TMEM230: variants seen among roughly 807,000 people sequenced by gnomAD.
TMEM230 encodes the protein UPF0414 transmembrane protein C20orf30.
In TMEM230, 10 loss-of-function variants were observed where a neutral mutation model predicts 15.8. The observed-to-expected ratio is 0.63, with a 90% CI of 0.39 to 1.07. The LOEUF (loss-of-function observed/expected upper bound fraction) is 1.07, where lower values mean the gene tolerates loss of function less well. Ranked by LOEUF, TMEM230 falls within the 50% of genes least tolerant of loss-of-function variation. The pLI is 0.01. For missense variants in TMEM230, 165 were observed against 193.3 expected, an observed-to-expected ratio of 0.85 and a Z score of 0.87; for synonymous variants, 67 against 76.9, an observed-to-expected ratio of 0.87 and a Z score of 0.68.
chr20:5,066,747 C>T (rs533790647), downstream of TMEM230, among the ~76,000 whole-genome samples: 3 of 151,732 alleles, frequency 2.0e-5, no homozygotes, highest in African/African-American at 4.8e-5. Context: ...CTGTGATTAA[C>T]GAGGTCACAC....
At chr20:5,090,240 T>G (rs930877280) in intron 3 of TMEM230, among the ~76,000 whole-genome samples, 1 of 152,038 alleles carries the variant, frequency 6.6e-6, no homozygotes, top group African/African-American at 2.4e-5. Context: ...CTAAAGGACA[T>G]GAGTTTCCAG....
At chr20:5,085,297 C>CT (rs1270064249) in intron 3 of TMEM230, among the ~76,000 whole-genome samples, 1 of 145,838 alleles carries the variant, frequency 6.9e-6, no homozygotes, top group East Asian at 2.0e-4. Flanking sequence ...TTCTTTTTTT[C>CT]TTTTTTTTTG....
the TMEM230 span, among the ~76,000 whole-genome samples, chr20:5,062,090 C>T: frequency 2.0e-5 from 3 of 151,946 alleles, no homozygotes; most frequent in African/African-American, 4.8e-5. Context: ...GGCATGATGG[C>T]GGGTGCCTGT....
At chr20:5,098,041 G>A (rs1451235551), downstream of TMEM230, among the ~76,000 whole-genome samples, 1 of 140,144 alleles carries the variant, frequency 7.1e-6, no homozygotes, top group African/African-American at 2.7e-5. Flanking sequence ...GCAGTGGTGC[G>A]ATCTTGGCTC....
At chr20:5,098,227 G>C (rs1201475090), downstream of TMEM230, among the ~76,000 whole-genome samples, 1 of 151,942 alleles carries the variant, frequency 6.6e-6, no homozygotes, top group Non-Finnish European at 1.5e-5. Context: ...CGCCCGCCTC[G>C]GGCTCCCAAA....
chr20:5,095,486 T>A, downstream of TMEM230, among the ~76,000 whole-genome samples: 1 of 152,208 alleles, frequency 6.6e-6, no homozygotes, highest in Non-Finnish European at 1.5e-5. Flanking sequence ...TCTTCCTGCA[T>A]TGTTTCTCTG....
intron 1 of TMEM230, chr20:5,111,725 A>G: frequency 9.5e-6 from 9 of 943,464 alleles, no homozygotes; most frequent in Non-Finnish European, 1.1e-5. Flanking sequence ...TTTAAAATTC[A>G]TCATTATCAT....
At chr20:5,069,792 C>T (rs935785685) in intron 3 of TMEM230, among the ~76,000 whole-genome samples, 1 of 152,124 alleles carries the variant, frequency 6.6e-6, no homozygotes, top group African/African-American at 2.4e-5. Context: ...TCACTGCAAC[C>T]TCCGCCTCCA....
intron 3 of TMEM230, among the ~76,000 whole-genome samples, chr20:5,075,733 T>C (rs2088971406): frequency 1.3e-5 from 2 of 151,730 alleles, no homozygotes; most frequent in Admixed American, 6.6e-5. Flanking sequence ...TCAAAAATAA[T>C]AATCATAATA....
At chr20:5,112,575 C>T (rs1166334448) in intron 1 of TMEM230, 2 of 658,178 alleles carry the variant, frequency 3.0e-6, no homozygotes, top group African/African-American at 2.0e-5. Context: ...AAAATAAAAA[C>T]GAGCATTTTC....
chr20:5,066,507 T>G (rs1600251710), downstream of TMEM230, among the ~76,000 whole-genome samples: 2 of 151,934 alleles, frequency 1.3e-5, no homozygotes, highest in East Asian at 3.9e-4. Context: ...CCGTTTCTAC[T>G]AAAAGTACAA....
In TMEM230 at chr20:5,113,015, G is replaced by A. The variant is rs374605576; in HGVS notation, c.14C>T (p.Ala5Val). Residue 5 changes from alanine to valine, a missense_variant, in exon 1 of 5, where the codon GCG becomes GTG. Transcript: ENST00000342308. ...CCAGAGCTCGCCCACGGTTGGCAGC[G>A]CCCAAGGTTGCATGGCATGGCCCGC... 6.5e-7 allele frequency: 1 copy of A among 1,548,998 alleles called. No homozygotes were observed. The highest frequency in any genetic ancestry group is 1.2e-5 in the South Asian group (1 of 84,104).
intron 3 of TMEM230, among the ~76,000 whole-genome samples, chr20:5,086,131 G>T (rs189361830): frequency 6.6e-6 from 1 of 151,526 alleles, no homozygotes; most frequent in African/African-American, 2.4e-5. Flanking sequence ...GCGGTGGCTC[G>T]TGCCTGTAAT....
chr20:5,091,896 T>C (rs1022265966), intron 3 of TMEM230, among the ~76,000 whole-genome samples: 6 of 152,218 alleles, frequency 3.9e-5, no homozygotes, highest in Non-Finnish European at 8.8e-5. Flanking sequence ...TTGGAGAACC[T>C]AAGTACATCA....
intron 2 of TMEM230, chr20:5,111,430 G>C (rs1231140093): frequency 1.2e-5 from 2 of 161,204 alleles, no homozygotes; most frequent in African/African-American, 4.8e-5. Flanking sequence ...CCAATATGGG[G>C]AAACCCTGTC....
At chr20:5,060,021 C>G in the TMEM230 span, among the ~76,000 whole-genome samples, 2 of 152,174 alleles carry the variant, frequency 1.3e-5, no homozygotes, top group Non-Finnish European at 2.9e-5. Flanking sequence ...ATCCACCCGC[C>G]TTGGCCTCCC....
At chr20:5,108,255 A>T (rs2050407427) in intron 3 of TMEM230, among the ~76,000 whole-genome samples, 2 of 152,062 alleles carry the variant, frequency 1.3e-5, no homozygotes, top group Non-Finnish European at 2.9e-5. Flanking sequence ...CACTGTCTCT[A>T]CTAAAAATAC....
chr20:5,103,355 T>G (rs1375900281), intron 4 of TMEM230, among the ~76,000 whole-genome samples: 1 of 152,004 alleles, frequency 6.6e-6, no homozygotes, highest in African/African-American at 2.4e-5. Context: ...CTCCAGCTAC[T>G]TGGGAAGCTG....
At chr20:5,103,406 G>C (rs1416482487) in intron 4 of TMEM230, among the ~76,000 whole-genome samples, 1 of 152,074 alleles carries the variant, frequency 6.6e-6, no homozygotes, top group Non-Finnish European at 1.5e-5. Flanking sequence ...TGAGGTTGCA[G>C]AGAGCTGTGA....
Sources: gnomAD v4.1 joint callset for allele counts (sites outside exome capture counted in the v4.1 genomes callset) on GRCh38, gnomAD v4.1.1 for gene constraint, MANE v1.5 for transcripts, NCBI Gene and HGNC (gene_info 2026-07-23, HGNC 2026-07-21) for gene names.